PCDHA6: variants seen among roughly 807,000 people sequenced by gnomAD.
The protein encoded by PCDHA6 is protocadherin alpha 6, also known as protocadherin alpha-6.
A neutral mutation model predicts 60.3 loss-of-function variants in PCDHA6; 55 were observed. The observed-to-expected ratio is 0.91, with a 90% CI of 0.73 to 1.14. The LOEUF is 1.14. Ranked by LOEUF, PCDHA6 falls within the 50% of genes most tolerant of loss-of-function variation. The pLI is 0.00. For synonymous variants in PCDHA6, 652 were observed against 557.9 expected, an observed-to-expected ratio of 1.17 and a Z score of -2.38; for missense variants, 1,327 against 1,256.5, an observed-to-expected ratio of 1.06 and a Z score of -0.85.
At chr5:141,004,054 G>A (rs2098150015) in intron 3 of PCDHA6, among the ~76,000 whole-genome samples, 1 of 152,216 alleles carries the variant, frequency 6.6e-6, no homozygotes, top group Admixed American at 6.5e-5. Flanking sequence ...TGCTGATACT[G>A]GCCCCTGGTT....
intron 1 of PCDHA6, among the ~76,000 whole-genome samples, chr5:140,837,935 T>TC (rs1775325521): frequency 6.6e-6 from 1 of 151,856 alleles, no homozygotes; most frequent in Non-Finnish European, 1.5e-5. Flanking sequence ...TACCTTGGCC[T>TC]CCCAAAGTAT....
Position 140,969,340 on chromosome 5 carries a change from G to A in PCDHA6, c.2395-9609G>A, listed in dbSNP as rs1262555926. 6 of 1,613,738 alleles carry A rather than the reference G, an allele frequency of 3.7e-6. No homozygotes were observed. The African/African-American group carries it at 5.3e-5, about 14-fold the overall frequency. On this transcript the variant is annotated intron_variant, in intron 1 of 3. Coordinates refer to ENST00000529310, the MANE Select transcript of PCDHA6 (RefSeq NM_018909.4). The stretch of plus-strand genomic sequence containing the variant: ...CTGTTTCTCAAAATGAGGTGAGACA[G>A]TGGTCAGGGGGTCTTCTACAAACTC...
Position 141,012,307 on chromosome 5 carries a change from T to G in PCDHA6, c.*2370T>G, listed in dbSNP as rs369179929. ...CATTTTGAATTGGTGCTATTGGTAT[T>G]TCCTCTGTTATTGCTAATAAATGAA... On this transcript the variant is annotated 3_prime_UTR_variant, in exon 4 of 4. Transcript: ENST00000529310. 1 of 153,794 alleles carries G rather than the reference T, an allele frequency of 6.5e-6. No homozygotes were observed. The highest frequency in any genetic ancestry group is 1.5e-5 in the Non-Finnish European group (1 of 68,040). 9.5% of individuals were successfully genotyped at this position (153,794 alleles called of 1,614,324 possible).
chr5:141,004,948 C>G (rs1356526927), intron 3 of PCDHA6, among the ~76,000 whole-genome samples: 1 of 152,236 alleles, frequency 6.6e-6, no homozygotes, highest in Non-Finnish European at 1.5e-5. Context: ...TTCTTACCCT[C>G]TCTCGTCACT....
chr5:140,844,047 C>A (rs2150368498), intron 1 of PCDHA6, among the ~76,000 whole-genome samples: 1 of 149,488 alleles, frequency 6.7e-6, no homozygotes, highest in African/African-American at 2.5e-5. Context: ...TGAAAGTATT[C>A]CCCCAAAGCG....
intron 1 of PCDHA6, among the ~76,000 whole-genome samples, chr5:140,846,538 C>A (rs553937365): frequency 1.3e-5 from 2 of 148,384 alleles, no homozygotes; most frequent in African/African-American, 4.9e-5. Context: ...CCATGCCCTG[C>A]TAATTTTTTG....
At chr5:140,985,104 AT>A (rs2097137151) in intron 3 of PCDHA6, among the ~76,000 whole-genome samples, 1 of 151,914 alleles carries the variant, frequency 6.6e-6, no homozygotes, top group African/African-American at 2.4e-5. Context: ...AGCCTGGCTA[AT>A]TTTTTGTGTT....
intron 1 of PCDHA6, among the ~76,000 whole-genome samples, chr5:140,906,383 T>A (rs1386557574): frequency 6.6e-6 from 1 of 152,214 alleles, no homozygotes; most frequent in African/African-American, 2.4e-5. Context: ...TTACATAAAG[T>A]TAACATTTAA....
intron 1 of PCDHA6, among the ~76,000 whole-genome samples, chr5:140,941,615 C>T (rs2093129027): frequency 6.6e-6 from 1 of 151,970 alleles, no homozygotes; most frequent in African/African-American, 2.4e-5. Context: ...GTGCCCAGCC[C>T]ATCCTGCTTC....
intron 1 of PCDHA6, among the ~76,000 whole-genome samples, chr5:140,941,693 G>C (rs2093147737): frequency 6.6e-6 from 1 of 151,900 alleles, no homozygotes; most frequent in South Asian, 2.1e-4. Flanking sequence ...TTACCTCTTT[G>C]GGCTTAGCTT....
At chr5:141,005,558 C>T (rs367751568) in intron 3 of PCDHA6, among the ~76,000 whole-genome samples, 1 of 151,122 alleles carries the variant, frequency 6.6e-6, no homozygotes, top group Non-Finnish European at 1.5e-5. Context: ...AAAAATTAGC[C>T]GGGCATGGTG....
At chr5:140,881,224 A>G (rs1254771945) in intron 1 of PCDHA6, 1 of 264,386 alleles carries the variant, frequency 3.8e-6, no homozygotes, top group Non-Finnish European at 5.9e-6. Context: ...TTCTTGGAAA[A>G]TTAAAGTCAA....
chr5:140,887,222 G>A (rs1406254180), intron 1 of PCDHA6, among the ~76,000 whole-genome samples: 1 of 151,284 alleles, frequency 6.6e-6, no homozygotes, highest in Non-Finnish European at 1.5e-5. Flanking sequence ...TCAGCCTCCC[G>A]AGTAGCTGAG....
At chr5:140,919,306 A>T (rs1407810868) in intron 1 of PCDHA6, among the ~76,000 whole-genome samples, 1 of 152,150 alleles carries the variant, frequency 6.6e-6, no homozygotes, top group Non-Finnish European at 1.5e-5. Context: ...TGTACAATAT[A>T]TGTTTTCCCA....
intron 1 of PCDHA6, chr5:140,877,726 C>T (rs781814794): frequency 6.2e-7 from 1 of 1,614,174 alleles, no homozygotes; most frequent in African/African-American, 1.3e-5. Context: ...GTCTTACTCG[C>T]AGCAGAGGAG....
At chr5:140,864,296 A>T (rs1232211439) in intron 1 of PCDHA6, 1 of 152,194 alleles carries the variant, frequency 6.6e-6, no homozygotes, top group African/African-American at 2.4e-5. Context: ...TATGTATTCA[A>T]AAATACCATG....
intron 1 of PCDHA6, among the ~76,000 whole-genome samples, chr5:140,960,552 A>T (rs1269039449): frequency 6.6e-6 from 1 of 152,162 alleles, no homozygotes; most frequent in Non-Finnish European, 1.5e-5. Flanking sequence ...CTTCATATAG[A>T]CTGAGCTTAG....
chr5:140,905,580 T>C (rs2071928885), intron 1 of PCDHA6, among the ~76,000 whole-genome samples: 1 of 152,168 alleles, frequency 6.6e-6, no homozygotes, highest in Non-Finnish European at 1.5e-5. Flanking sequence ...AGAATGATAA[T>C]GATATTTTGC....
chr5:140,857,348 C>T lies in PCDHA6; in HGVS notation c.2394+26863C>T, dbSNP rs782358430. 9.4e-6 allele frequency: 15 copies of T among 1,598,398 alleles called. 2 individuals carry two copies. The highest frequency in any genetic ancestry group is 6.7e-5 in the African/African-American group (5 of 74,370). On this transcript the variant is annotated intron_variant, in intron 1 of 3. Coordinates refer to ENST00000529310, the MANE Select transcript of PCDHA6 (RefSeq NM_018909.4). ...CGCGCGGGACGGGGGCTCGCCTCCG[C>T]TGTGGGCCACGGCCAGCGTGTCTGT... is the stretch of plus-strand genomic sequence containing the variant.
Sources: gnomAD v4.1 joint callset for allele counts (sites outside exome capture counted in the v4.1 genomes callset) on GRCh38, gnomAD v4.1.1 for gene constraint, MANE v1.5 for transcripts, NCBI Gene and HGNC (gene_info 2026-07-23, HGNC 2026-07-21) for gene names.